IGSF21: variants seen among roughly 807,000 people sequenced by gnomAD.
IGSF21 encodes the protein immunoglobin superfamily member 21, also known as immunoglobulin superfamily member 21.
A neutral mutation model predicts 46.8 loss-of-function variants in IGSF21; 28 were observed. That is an observed-to-expected ratio of 0.60 (90% CI 0.44 to 0.82). The LOEUF (loss-of-function observed/expected upper bound fraction) is 0.82, where lower values mean the gene tolerates loss of function less well. IGSF21 is among the 40% of genes least tolerant of loss of function. IGSF21 has a pLI of 0.00. For synonymous variants in IGSF21, 284 were observed against 273.6 expected, an observed-to-expected ratio of 1.04 and a Z score of -0.38; for missense variants, 624 against 665.5, an observed-to-expected ratio of 0.94 and a Z score of 0.69.
In IGSF21 at chr1:18,334,041, G is replaced by T. The variant is rs1389453151; in HGVS notation, c.306-851G>T. 6.6e-6 allele frequency among the ~76,000 whole-genome samples: 1 copy of T among 152,188 alleles called. No individual in the cohort carries two copies. The highest frequency in any genetic ancestry group is 6.5e-5 in the Admixed American group (1 of 15,288). ...AGCTGCTTTTGTGCTGCAAGGACAG[G>T]GTTGAATTGCAATTGTAAAGGGCAA... is the stretch of plus-strand genomic sequence containing the variant. On this transcript the variant is annotated intron_variant, in intron 3 of 9. Coordinates refer to ENST00000251296, the MANE Select transcript of IGSF21 (RefSeq NM_032880.5). The surrounding 1 kb of genome is among the most constrained non-coding windows in gnomAD (Gnocchi z 4.3).
chr1:18,312,485 T>G (rs1269403095), intron 3 of IGSF21, among the ~76,000 whole-genome samples: 2 of 152,246 alleles, frequency 1.3e-5, no homozygotes, highest in Non-Finnish European at 2.9e-5. Context: ...TGAGTCTCAC[T>G]GGGCTAAAAT....
intron 1 of IGSF21, among the ~76,000 whole-genome samples, chr1:18,193,961 C>A (rs1331147539): frequency 1.3e-5 from 2 of 152,148 alleles, no homozygotes; most frequent in Non-Finnish European, 2.9e-5. Context: ...ATTCAGGAAT[C>A]AGAAAAGGGT....
At chr1:18,254,231 G>T (rs2084868677) in intron 2 of IGSF21, among the ~76,000 whole-genome samples, 1 of 148,498 alleles carries the variant, frequency 6.7e-6, no homozygotes, top group Non-Finnish European at 1.5e-5. Flanking sequence ...AGATGAGTTG[G>T]GGAGGGCTCA....
chr1:18,139,942 TA>T (rs367781088), intron 1 of IGSF21, among the ~76,000 whole-genome samples: 4,023 of 147,400 alleles, frequency 0.027, 84 homozygotes, highest in Middle Eastern at 0.14. Flanking sequence ...TCCTTTTTTT[TA>T]AAAAAAATAA....
intron 1 of IGSF21, among the ~76,000 whole-genome samples, chr1:18,125,968 C>T (rs532209449): frequency 1.3e-5 from 2 of 152,124 alleles, no homozygotes; most frequent in Admixed American, 6.5e-5. Context: ...CCAGGATAAC[C>T]CAGTTAGTAG....
chr1:18,269,953 G>A (rs141125838), intron 2 of IGSF21, among the ~76,000 whole-genome samples: 154 of 152,210 alleles, frequency 1.0e-3, no homozygotes, highest in African/African-American at 3.4e-3. Flanking sequence ...GCATCCTTCC[G>A]GTTCTCTCAG....
chr1:18,341,011 T>C (rs1042060915), intron 4 of IGSF21, among the ~76,000 whole-genome samples: 2 of 59,234 alleles, frequency 3.4e-5, no homozygotes, highest in African/African-American at 1.6e-4. Flanking sequence ...TCCTCCTTCT[T>C]CTCTTCTTCT....
chr1:18,343,884 T>C (rs1356058376), intron 4 of IGSF21, among the ~76,000 whole-genome samples: 1 of 152,206 alleles, frequency 6.6e-6, no homozygotes, highest in Admixed American at 6.5e-5. Flanking sequence ...TATGTGACTT[T>C]AGGCAATGAG....
chr1:18,246,493 C>T (rs529887810), intron 2 of IGSF21, among the ~76,000 whole-genome samples: 2 of 152,252 alleles, frequency 1.3e-5, no homozygotes, highest in South Asian at 2.1e-4. Context: ...CCTCCAGGCT[C>T]ATACTCTGCA....
At chr1:18,346,690 G>T (rs565376293) in intron 4 of IGSF21, among the ~76,000 whole-genome samples, 81 of 152,284 alleles carry the variant, frequency 5.3e-4, no homozygotes, top group Non-Finnish European at 9.1e-4. Context: ...TGGGCCGTTG[G>T]GGTGGAGAGG....
At chr1:18,199,195 T>C (rs2087040416) in intron 1 of IGSF21, among the ~76,000 whole-genome samples, 3 of 152,022 alleles carry the variant, frequency 2.0e-5, no homozygotes, top group Non-Finnish European at 4.4e-5. Flanking sequence ...AAAGAGTGGG[T>C]TGGGGCCCCT....
intron 3 of IGSF21, among the ~76,000 whole-genome samples, chr1:18,313,369 C>T (rs2085508153): frequency 6.6e-6 from 1 of 152,206 alleles, no homozygotes; most frequent in South Asian, 2.1e-4. Flanking sequence ...GAGCCAGGCT[C>T]CTAGCCTCTG....
At chr1:18,133,258 T>C (rs551170289) in intron 1 of IGSF21, among the ~76,000 whole-genome samples, 1 of 152,346 alleles carries the variant, frequency 6.6e-6, no homozygotes, top group Non-Finnish European at 1.5e-5. Flanking sequence ...CCAGAGCATG[T>C]GAGCCAGGGC....
At chr1:18,362,387 T>G (rs988003912) in intron 5 of IGSF21, among the ~76,000 whole-genome samples, 157 bp downstream of exon 5, 1 of 152,130 alleles carries the variant, frequency 6.6e-6, no homozygotes, top group Non-Finnish European at 1.5e-5. Flanking sequence ...CGTTTACCCA[T>G]TGGACTGGTC....
At position 18,291,904 on chromosome 1, in the gene IGSF21, C is replaced by T. The variant is rs368844147; in HGVS notation, c.222C>T (p.Thr74=). 5 of 1,613,998 alleles carry T rather than the reference C, an allele frequency of 3.1e-6. No homozygotes were observed. The African/African-American group carries it at 5.3e-5, about 17-fold the overall frequency. ...GCACCATCAAGCAAAAGATCTTCAC[C>T]TTCGACGCCATGTTCTCCACCAACT... ...DGGTIKQKIF[T]FDAMFSTNYS... Residue 74 remains threonine (T), a synonymous_variant, in exon 3 of 10, where the codon ACC becomes ACT. Coordinates refer to ENST00000251296, the MANE Select transcript of IGSF21 (RefSeq NM_032880.5).
At chr1:18,250,585 C>T (rs766515455) in intron 2 of IGSF21, among the ~76,000 whole-genome samples, 90 of 152,166 alleles carry the variant, frequency 5.9e-4, no homozygotes, top group Non-Finnish European at 1.1e-3. Flanking sequence ...CATTATATGG[C>T]GAAAATTATA....
At chr1:18,190,465 T>G (rs1469609890) in intron 1 of IGSF21, among the ~76,000 whole-genome samples, 1 of 151,932 alleles carries the variant, frequency 6.6e-6, no homozygotes. Context: ...TGGCACACAC[T>G]AAGTGTTCAT....
chr1:18,132,824 T>C (rs1557550367), intron 1 of IGSF21, among the ~76,000 whole-genome samples: 1 of 151,146 alleles, frequency 6.6e-6, no homozygotes, highest in Non-Finnish European at 1.5e-5. Flanking sequence ...CCCTTAAGCA[T>C]CTGGCAAGCC....
At chr1:18,118,647 G>A (rs1400506585) in intron 1 of IGSF21, among the ~76,000 whole-genome samples, 2 of 152,188 alleles carry the variant, frequency 1.3e-5, no homozygotes, top group Non-Finnish European at 2.9e-5. Flanking sequence ...GTTTCCGTCT[G>A]CAGCAGAGAA....
Sources: allele counts gnomAD v4.1 joint callset (sites outside exome capture counted in the v4.1 genomes callset), GRCh38; gene constraint gnomAD v4.1.1; non-coding constraint Gnocchi (gnomAD v3.1); transcripts MANE v1.5; gene names NCBI Gene and HGNC (gene_info 2026-07-23, HGNC 2026-07-21).